KIF13A: variants seen among roughly 807,000 people sequenced by gnomAD.
The protein encoded by KIF13A is kinesin-like protein KIF13A.
In KIF13A, 79 loss-of-function variants were observed where a neutral mutation model predicts 212.2. That is an observed-to-expected ratio of 0.37 (90% confidence interval 0.31 to 0.45). KIF13A has a LOEUF of 0.45. Among genes scored for constraint, KIF13A ranks in the 20% least tolerant of loss-of-function variants. The pLI is 1.00. For missense variants in KIF13A, 1,901 were observed against 2,209.0 expected (o/e 0.86, Z 2.79); for synonymous variants, 789 against 808.6 (o/e 0.98, Z 0.41).
intron 18 of KIF13A, among the ~76,000 whole-genome samples, chr6:17,805,948 CTTGCTCTA>C (rs146458667): frequency 0.039 from 4,245 of 109,342 alleles, 212 homozygotes; most frequent in African/African-American, 0.12. Context: ...GAGATAGGAT[CTTGCTCTA>C]TCATCCAAGC....
intron 14 of KIF13A, among the ~76,000 whole-genome samples, chr6:17,827,444 C>T (rs1765067104): frequency 6.6e-6 from 1 of 151,632 alleles, no homozygotes; most frequent in African/African-American, 2.4e-5. Flanking sequence ...AATAACAAAA[C>T]TGTCTATGAG....
intron 16 of KIF13A, among the ~76,000 whole-genome samples, chr6:17,819,499 T>C (rs1020175281): frequency 1.3e-5 from 2 of 151,560 alleles, no homozygotes; most frequent in Admixed American, 6.6e-5. Context: ...GAGGCGGAGG[T>C]TGTAGTGAGC....
intron 22 of KIF13A, among the ~76,000 whole-genome samples, chr6:17,797,388 G>A (rs1034711671): frequency 5.3e-5 from 8 of 152,068 alleles, no homozygotes; most frequent in Non-Finnish European, 8.8e-5. Flanking sequence ...AAAGTCATAC[G>A]GTTTGTTAGT....
chr6:17,876,157 G>A (rs1770538543), intron 3 of KIF13A, among the ~76,000 whole-genome samples: 1 of 152,126 alleles, frequency 6.6e-6, no homozygotes, highest in Non-Finnish European at 1.5e-5. Flanking sequence ...ACCTTCCTGG[G>A]CTCACTGCTA....
intron 34 of KIF13A, among the ~76,000 whole-genome samples, 195 bp from the exon 35 acceptor site, chr6:17,775,257 T>C (rs1581875410): frequency 6.6e-6 from 1 of 152,248 alleles, no homozygotes; most frequent in African/African-American, 2.4e-5. Flanking sequence ...TATAATTGTA[T>C]GTGTATATAC....
intron 2 of KIF13A, among the ~76,000 whole-genome samples, chr6:17,929,076 A>T (rs1007452717): frequency 6.6e-6 from 1 of 151,442 alleles, no homozygotes; most frequent in Middle Eastern, 3.4e-3. Flanking sequence ...AAAAAAAAAA[A>T]AAAAAAACAA....
chr6:17,760,649 T>C (rs1385422773), downstream of KIF13A: 2 of 591,682 alleles, frequency 3.4e-6, no homozygotes, highest in Non-Finnish European at 6.1e-6. Flanking sequence ...GCAGAGGCTG[T>C]TGATTCACCC....
chr6:17,780,986 G>C (rs1048184795), intron 30 of KIF13A, 80 bp from the exon 31 acceptor site: 2 of 1,417,742 alleles, frequency 1.4e-6, no homozygotes, highest in Non-Finnish European at 1.9e-6. Context: ...ACAAGAGAAA[G>C]AAAATAAATT....
intron 16 of KIF13A, chr6:17,821,667 C>T: frequency 8.6e-7 from 1 of 1,163,012 alleles, no homozygotes; most frequent in South Asian, 1.6e-5. Context: ...CAGAAAACTC[C>T]AGCTTCTTCC....
Position 17,867,769 on chromosome 6 carries a change from G to A in KIF13A, c.220+5608C>T, listed in dbSNP as rs553929201. 2.0e-5 allele frequency among the ~76,000 whole-genome samples: 3 copies of A among 152,272 alleles called. No individual in the cohort carries two copies. In the South Asian group the frequency reaches 6.2e-4, roughly 32 times the overall value. Reference sequence around the variant, plus strand: ...ATTGTAGAACTCAGCTAAGAAATTGGTTCTATTTTGGCTACTGTTGGCTTT... The same window carrying A: ...ATTGTAGAACTCAGCTAAGAAATTGATTCTATTTTGGCTACTGTTGGCTTT... On this transcript the variant is annotated intron_variant, in intron 4 of 38. Coordinates refer to ENST00000259711, the MANE Select transcript of KIF13A (RefSeq NM_022113.6).
At chr6:17,823,975 C>T (rs12202861) in intron 16 of KIF13A, among the ~76,000 whole-genome samples, 27,814 of 144,934 alleles carry the variant, frequency 0.19, 2,750 homozygotes, top group South Asian at 0.32. Context: ...TGCAGTGATG[C>T]GATCTTGGCT....
At chr6:17,896,014 G>A (rs1311602761) in intron 3 of KIF13A, among the ~76,000 whole-genome samples, 1 of 152,118 alleles carries the variant, frequency 6.6e-6, no homozygotes, top group Non-Finnish European at 1.5e-5. Flanking sequence ...TTTGGTATAT[G>A]TGGGGAATTG....
At chr6:17,906,607 C>T (rs1195469177) in intron 2 of KIF13A, among the ~76,000 whole-genome samples, 3 of 151,914 alleles carry the variant, frequency 2.0e-5, no homozygotes, top group African/African-American at 7.3e-5. Context: ...CACTACCACA[C>T]CCAGCTAATT....
At chr6:17,901,081 CAAAAAAA>C (rs34266366) in intron 2 of KIF13A, among the ~76,000 whole-genome samples, 1 of 70,288 alleles carries the variant, frequency 1.4e-5, no homozygotes, top group East Asian at 5.8e-4. Flanking sequence ...GACTCTGTCT[CAAAAAAA>C]AAAAAAAAAA....
At position 17,987,497 on chromosome 6, in the gene KIF13A, C is replaced by T. The variant is rs748533441; in HGVS notation, c.-34G>A. 1 of 1,232,628 alleles carries T rather than the reference C, an allele frequency of 8.1e-7. No homozygotes were observed. The highest frequency in any genetic ancestry group is 6.8e-5 in the East Asian group (1 of 14,620). 76.4% of individuals were successfully genotyped at this position (1,232,628 alleles called of 1,614,324 possible). The stretch of plus-strand genomic sequence containing the variant: ...CGCTCGCCCGGCCGCTCGCCGCGCC[C>T]GCTCGGCCTTAGGCGGCCCCTCACG... On this transcript the variant is annotated 5_prime_UTR_variant, in exon 1 of 39. Transcript: ENST00000259711. The surrounding 1 kb of genome is among the most constrained non-coding windows in gnomAD (Gnocchi z 7.7).
chr6:17,771,653 T>C lies in KIF13A; in HGVS notation c.4476+255A>G. On this transcript the variant is annotated intron_variant, in intron 37 of 38. Transcript: ENST00000259711. This position sits in a 1 kb window ranked among gnomAD's most constrained non-coding sequence, Gnocchi z 5.4. Reference sequence around the variant, plus strand: ...ATCTTTTCAAAACACCTAGAAAACATCTTTCTCACTTGAAACATAAAAAAA... The same window carrying C: ...ATCTTTTCAAAACACCTAGAAAACACCTTTCTCACTTGAAACATAAAAAAA... The C allele has an allele frequency of 2.5e-6, 1 of 401,372 alleles. No individual in the cohort carries two copies. Among genetic ancestry groups the C allele is most frequent in the Admixed American group, 4.0e-5 (1 of 25,046 alleles). 24.9% of individuals were successfully genotyped at this position (401,372 alleles called of 1,614,324 possible).
Position 17,777,381 on chromosome 6 carries a change from CA to C in KIF13A, c.4093-28del, listed in dbSNP as rs1232630280. The C allele has an allele frequency of 2.7e-6, 4 of 1,491,752 alleles. No individual in the cohort carries two copies. The highest frequency in any genetic ancestry group is 2.4e-5 in the South Asian group (2 of 83,860). The allele number at this position is 1,491,752 out of a possible 1,614,324, so 92.4% of individuals were successfully genotyped here. On this transcript the variant is annotated intron_variant, in intron 33 of 38. Coordinates refer to ENST00000259711, the MANE Select transcript of KIF13A (RefSeq NM_022113.6). This position sits in a 1 kb window ranked among gnomAD's most constrained non-coding sequence, Gnocchi z 4.4. ...TGTAAACATAATAATTTGAAAATAA[CA>C]CTTTTTTTTTTTTTCCCCAGAGACA...
chr6:17,846,233 G>A (rs1015723495), intron 9 of KIF13A, among the ~76,000 whole-genome samples: 3 of 151,818 alleles, frequency 2.0e-5, no homozygotes, highest in African/African-American at 7.2e-5. Context: ...TGGGACTACA[G>A]GGGTGAGCCA....
intron 18 of KIF13A, among the ~76,000 whole-genome samples, chr6:17,807,550 G>A (rs1431827520): frequency 6.8e-6 from 1 of 146,078 alleles, no homozygotes; most frequent in East Asian, 1.9e-4. Flanking sequence ...TGTTTATCAA[G>A]ACAATATGTG....
Sources: allele counts gnomAD v4.1 joint callset (sites outside exome capture counted in the v4.1 genomes callset), GRCh38; gene constraint gnomAD v4.1.1; non-coding constraint Gnocchi (gnomAD v3.1); transcripts MANE v1.5; gene names NCBI Gene and HGNC (gene_info 2026-07-23, HGNC 2026-07-21).